The following TMEM91 variants were observed in gnomAD, a reference collection of about 807,000 sequenced individuals.
TMEM91 encodes the protein dispanin subfamily C member 3.
In TMEM91, 6 loss-of-function variants were observed where a neutral mutation model predicts 13.3. The ratio of observed to expected loss-of-function variants is 0.45; its 90% CI spans 0.25 to 0.89. The LOEUF is 0.89. Ranked by LOEUF, TMEM91 falls within the 40% of genes least tolerant of loss-of-function variation. The pLI is 0.19. For synonymous variants in TMEM91, 87 were observed against 101.7 expected, an observed-to-expected ratio of 0.86 and a Z score of 0.87; for missense variants, 193 against 228.7, an observed-to-expected ratio of 0.84 and a Z score of 1.01.
chr19:41,367,597 C>T (rs1424850225), intron 1 of TMEM91, among the ~76,000 whole-genome samples: 1 of 152,204 alleles, frequency 6.6e-6, no homozygotes, highest in Non-Finnish European at 1.5e-5. Context: ...TGCCATTGCA[C>T]TCCATCCTGG....
chr19:41,376,078 C>G (rs1301056074), upstream of TMEM91: 5 of 152,386 alleles, frequency 3.3e-5, no homozygotes, highest in Admixed American at 6.5e-5. Flanking sequence ...CGAGATCACT[C>G]CACTGCACTC....
At chr19:41,377,245 G>C (rs1216390540) in intron 1 of TMEM91, 1 of 152,702 alleles carries the variant, frequency 6.5e-6, no homozygotes, top group African/African-American at 2.4e-5. Context: ...GGGTGCATGT[G>C]TGCGTGTGTG....
intron 1 of TMEM91, among the ~76,000 whole-genome samples, chr19:41,368,819 C>T (rs533616223): frequency 6.6e-6 from 1 of 151,566 alleles, no homozygotes; most frequent in African/African-American, 2.4e-5. Flanking sequence ...TTGCTTCTAA[C>T]CAATAGAATA....
At chr19:41,367,068 G>T (rs1293131837) in intron 1 of TMEM91, among the ~76,000 whole-genome samples, 5 of 152,248 alleles carry the variant, frequency 3.3e-5, no homozygotes, top group African/African-American at 7.2e-5. Flanking sequence ...TTGAACCTGG[G>T]AGGCAGCAGT....
chr19:41,366,055 T>TTA (rs1250817941), intron 1 of TMEM91, among the ~76,000 whole-genome samples: 1 of 143,410 alleles, frequency 7.0e-6, no homozygotes, highest in African/African-American at 2.6e-5. Context: ...TTATTTACTT[T>TTA]TTTTTTTTTT....
intron 1 of TMEM91, among the ~76,000 whole-genome samples, chr19:41,368,468 C>A (rs571970144): frequency 2.1e-4 from 31 of 150,782 alleles, no homozygotes; most frequent in African/African-American, 7.3e-4. Flanking sequence ...GAGTCTCGTT[C>A]TGTGGGCCAG....
intron 2 of TMEM91, among the ~76,000 whole-genome samples, chr19:41,380,797 C>T (rs1299497826): frequency 6.6e-6 from 1 of 151,564 alleles, no homozygotes; most frequent in Non-Finnish European, 1.5e-5. Flanking sequence ...ACCTGTAATC[C>T]CAGCTATTCG....
intron 1 of TMEM91, among the ~76,000 whole-genome samples, chr19:41,367,835 CTG>C (rs2038552928): frequency 6.6e-6 from 1 of 152,084 alleles, no homozygotes; most frequent in African/African-American, 2.4e-5. Context: ...TGGTCTCACT[CTG>C]TTGCCCAGGC....
intron 1 of TMEM91, among the ~76,000 whole-genome samples, chr19:41,371,110 T>C (rs892513005): frequency 1.1e-4 from 16 of 151,942 alleles, no homozygotes; most frequent in Admixed American, 2.6e-4. Context: ...CAAGCAATTA[T>C]TGTGCCTCAG....
upstream of TMEM91, among the ~76,000 whole-genome samples, chr19:41,374,656 A>C (rs1254413122): frequency 6.6e-6 from 1 of 152,068 alleles, no homozygotes; most frequent in Admixed American, 6.6e-5. Context: ...AGGTGAAGGC[A>C]TTGTCTAGAG....
At chr19:41,367,023 G>A (rs2038538515) in intron 1 of TMEM91, among the ~76,000 whole-genome samples, 1 of 151,928 alleles carries the variant, frequency 6.6e-6, no homozygotes, top group African/African-American at 2.4e-5. Context: ...TGCCTGTGGT[G>A]TCAGCTATTT....
At chr19:41,370,688 AGCCACCGT>A (rs1433092015) in intron 1 of TMEM91, among the ~76,000 whole-genome samples, 1 of 151,710 alleles carries the variant, frequency 6.6e-6, no homozygotes, top group East Asian at 1.9e-4. Flanking sequence ...TACAAGCGTG[AGCCACCGT>A]GCCTGGCCAC....
At chr19:41,369,334 C>T (rs973377644) in intron 1 of TMEM91, among the ~76,000 whole-genome samples, 5 of 152,070 alleles carry the variant, frequency 3.3e-5, no homozygotes, top group Admixed American at 6.6e-5. Flanking sequence ...CCTGCCGCCA[C>T]GCCCAGCTAA....
At chr19:41,368,752 C>T (rs1171070501) in intron 1 of TMEM91, among the ~76,000 whole-genome samples, 1 of 151,780 alleles carries the variant, frequency 6.6e-6, no homozygotes, top group Non-Finnish European at 1.5e-5. Context: ...TGGGCAGCCC[C>T]CTTTCAGTAA....
At chr19:41,368,041 T>C (rs990159522) in intron 1 of TMEM91, among the ~76,000 whole-genome samples, 6 of 152,140 alleles carry the variant, frequency 3.9e-5, no homozygotes, top group African/African-American at 1.4e-4. Context: ...TCAGGCTACA[T>C]AGCAACATTC....
intron 1 of TMEM91, among the ~76,000 whole-genome samples, chr19:41,368,499 T>A (rs969046755): frequency 6.6e-6 from 1 of 151,194 alleles, no homozygotes; most frequent in African/African-American, 2.4e-5. Context: ...AACTTCTGCC[T>A]CCCAGGCTCA....
chr19:41,368,425 T>TG (rs922959816), intron 1 of TMEM91, among the ~76,000 whole-genome samples: 8,356 of 124,124 alleles, frequency 0.067, 336 homozygotes, highest in African/African-American at 0.088. Context: ...ACCTTTTTTT[T>TG]GGGGGGGGTG....
chr19:41,377,618 GGT>G (rs761407531), intron 1 of TMEM91, among the ~76,000 whole-genome samples: 8 of 151,928 alleles, frequency 5.3e-5, no homozygotes, highest in Non-Finnish European at 1.2e-4. Context: ...GGATATTGGG[GGT>G]GTTTGTGGGG....
At chr19:41,381,682 A>C (rs971256365) in intron 2 of TMEM91, among the ~76,000 whole-genome samples, 7 of 151,370 alleles carry the variant, frequency 4.6e-5, no homozygotes, top group African/African-American at 1.7e-4. Context: ...GCTAATTTTA[A>C]ATTTTTTTTT....
Sources: allele counts gnomAD v4.1 joint callset (sites outside exome capture counted in the v4.1 genomes callset), GRCh38; gene constraint gnomAD v4.1.1; transcripts MANE v1.5; gene names NCBI Gene and HGNC (gene_info 2026-07-23, HGNC 2026-07-21).